ZNF317: variants seen among roughly 807,000 people sequenced by gnomAD.
The protein encoded by ZNF317 is zinc finger protein 317, also known as KRAB-containing zinc finger protein 317.
Under a neutral mutation model 23.4 loss-of-function variants are expected in ZNF317, and 17 were observed. The ratio of observed to expected loss-of-function variants is 0.73; its 90% CI spans 0.50 to 1.09. ZNF317 has a LOEUF of 1.09. Among genes scored for constraint, ZNF317 ranks in the 50% least tolerant of loss-of-function variants. The probability of loss-of-function intolerance (pLI) is 0.00; values close to 1 mark genes in which losing one functional copy is unlikely to be tolerated. For missense variants in ZNF317, 679 were observed against 796.7 expected, an observed-to-expected ratio of 0.85 and a Z score of 1.78; for synonymous variants, 317 against 314.9, an observed-to-expected ratio of 1.01 and a Z score of -0.07.
rs368381616 is a variant in ZNF317, at chr19:9,161,412, C to T, written c.1767C>T (p.Ser589=). 1.9e-5 allele frequency: 31 copies of T among 1,612,420 alleles called. No individual in the cohort carries two copies. The highest frequency in any genetic ancestry group is 2.2e-5 in the South Asian group (2 of 91,014). The part of the protein sequence containing the change: ...THRGEKLFVS[S]VWKRLQ ...GGGGAGAGAAGCTCTTTGTGTCATC[C>T]GTGTGGAAAAGGCTCCAGTGAGCGC... Residue 589 remains serine (S), a synonymous_variant, in exon 7 of 7, where the codon TCC becomes TCT. Coordinates refer to ENST00000247956, the MANE Select transcript of ZNF317 (RefSeq NM_020933.5). This position sits in a 1 kb window ranked among gnomAD's most constrained non-coding sequence, Gnocchi z 4.0.
At chr19:9,142,829 C>T (rs913212590) in intron 1 of ZNF317, among the ~76,000 whole-genome samples, 6 of 151,708 alleles carry the variant, frequency 4.0e-5, no homozygotes, top group Non-Finnish European at 7.4e-5. Context: ...CTTTTGGCTT[C>T]GGTTTGCTAA....
chr19:9,146,297 G>A (rs2050682401), intron 1 of ZNF317, among the ~76,000 whole-genome samples: 1 of 151,906 alleles, frequency 6.6e-6, no homozygotes, highest in South Asian at 2.1e-4. Context: ...TGGTTGAAAG[G>A]AGGGTATATT....
At position 9,153,992 on chromosome 19, in the gene ZNF317, G is replaced by C. The variant is rs201560173; in HGVS notation, c.-92-1933G>C. ...CAAGATGGGATAGACCTGAGCATGTGTCCATGCATAGGAAATTGTCTAGCA... is the reference window on the plus strand; with the variant it reads ...CAAGATGGGATAGACCTGAGCATGTCTCCATGCATAGGAAATTGTCTAGCA... On this transcript the variant is annotated intron_variant, in intron 1 of 6. Transcript: ENST00000247956. Among the ~76,000 whole-genome samples, 5 of 152,162 alleles carry C rather than the reference G, an allele frequency of 3.3e-5. No homozygotes were observed. The East Asian group carries it at 9.6e-4, about 29-fold the overall frequency.
At chr19:9,158,243 T>C (rs1292085821) in intron 5 of ZNF317, among the ~76,000 whole-genome samples, 168 bp downstream of exon 5, 2 of 152,148 alleles carry the variant, frequency 1.3e-5, no homozygotes, top group Non-Finnish European at 2.9e-5. Flanking sequence ...CACTCCTTCA[T>C]CTTTGACTTT....
intron 1 of ZNF317, among the ~76,000 whole-genome samples, chr19:9,140,938 CCTT>C (rs1331102961): frequency 1.3e-5 from 2 of 152,058 alleles, no homozygotes; most frequent in African/African-American, 4.8e-5. Flanking sequence ...GGAGAAATCA[CCTT>C]CTTTCTGCGC....
At chr19:9,152,514 C>T (rs1341341714) in intron 1 of ZNF317, among the ~76,000 whole-genome samples, 2 of 152,216 alleles carry the variant, frequency 1.3e-5, no homozygotes, top group Admixed American at 6.5e-5. Context: ...GCATTAGATT[C>T]TCATAGGGGC....
At chr19:9,142,095 G>A (rs546989677) in intron 1 of ZNF317, among the ~76,000 whole-genome samples, 115 of 152,268 alleles carry the variant, frequency 7.6e-4, no homozygotes, top group African/African-American at 2.6e-3. Context: ...AGAGAGCCAC[G>A]ATGTCCGGCT....
In ZNF317 at chr19:9,157,071, C is replaced by T. The variant is rs181760365; in HGVS notation, c.163-197C>T. 4.2e-3 allele frequency: 2,872 copies of T among 680,226 alleles called. 9 individuals carry two copies. Among genetic ancestry groups the T allele is most frequent in the Non-Finnish European group, 5.6e-3 (2,309 of 411,612 alleles). The allele number at this position is 680,226 out of a possible 1,614,324, so 42.1% of individuals were successfully genotyped here. A position where few individuals can be genotyped will look rare whatever the true frequency, so the allele number is the denominator to read the frequency against. ...CTTGTCAGGGTTGCATCTGAAGTGACGGCACAGGACAAGATGGCCTCAATG... is the reference window on the plus strand; with the variant it reads ...CTTGTCAGGGTTGCATCTGAAGTGATGGCACAGGACAAGATGGCCTCAATG... On this transcript the variant is annotated intron_variant, in intron 3 of 6. Coordinates refer to ENST00000247956, the MANE Select transcript of ZNF317 (RefSeq NM_020933.5).
At chr19:9,145,221 T>C (rs2050672447) in intron 1 of ZNF317, among the ~76,000 whole-genome samples, 1 of 152,194 alleles carries the variant, frequency 6.6e-6, no homozygotes, top group Non-Finnish European at 1.5e-5. Context: ...ATTTTTGTAT[T>C]TTTAGTAAAG....
rs745899297 is a variant in ZNF317, at chr19:9,156,758, G to A, written c.162+10G>A. ...CAGTGTTGGTTCCCAGGTGCACTAA[G>A]ATCTCTGGGTCCCTAGAGCAGGAGA... On this transcript the variant is annotated intron_variant, in intron 3 of 6. Transcript: ENST00000247956. 9.3e-6 allele frequency: 15 copies of A among 1,612,890 alleles called. No individual in the cohort carries two copies. Among genetic ancestry groups the A allele is most frequent in the Non-Finnish European group, 1.3e-5 (15 of 1,179,514 alleles).
intron 1 of ZNF317, among the ~76,000 whole-genome samples, chr19:9,153,021 T>C (rs1319489234): frequency 6.6e-6 from 1 of 152,264 alleles, no homozygotes; most frequent in Non-Finnish European, 1.5e-5. Context: ...GTCACCTTTG[T>C]TGATCTTTTT....
intron 1 of ZNF317, among the ~76,000 whole-genome samples, chr19:9,150,508 G>A (rs1305807333): frequency 6.6e-6 from 1 of 152,110 alleles, no homozygotes; most frequent in Non-Finnish European, 1.5e-5. Flanking sequence ...TCAGAACCTG[G>A]GTGTCAGCAC....
intron 1 of ZNF317, among the ~76,000 whole-genome samples, chr19:9,154,685 G>A (rs2050766790): frequency 6.6e-6 from 1 of 152,120 alleles, no homozygotes; most frequent in South Asian, 2.1e-4. Context: ...AGACATTTTT[G>A]TACGAGTCTT....
At chr19:9,159,232 G>A (rs1052477516) in intron 6 of ZNF317, among the ~76,000 whole-genome samples, 1 of 151,954 alleles carries the variant, frequency 6.6e-6, no homozygotes, top group Non-Finnish European at 1.5e-5. Context: ...TTTTTTGGGG[G>A]GCAGACAGTC....
intron 3 of ZNF317, 164 bp from the exon 4 acceptor site, chr19:9,157,104 A>G: frequency 1.2e-6 from 1 of 811,470 alleles, no homozygotes; most frequent in Non-Finnish European, 1.9e-6. Context: ...ATGGGGAGAG[A>G]GGATGTCTGA....
chr19:9,158,551 C>T (rs987060243), intron 5 of ZNF317, among the ~76,000 whole-genome samples: 3 of 151,694 alleles, frequency 2.0e-5, no homozygotes, highest in African/African-American at 7.3e-5. Context: ...GTTGTCCAGG[C>T]TGGTCTCGAA....
chr19:9,156,469 A>G, intron 2 of ZNF317, 143 bp from the exon 3 acceptor site: 1 of 1,126,868 alleles, frequency 8.9e-7, no homozygotes, highest in Non-Finnish European at 1.3e-6. Context: ...TGATGTGTGC[A>G]AGAGAGGTGG....
chr19:9,156,478 G>T lies in ZNF317; in HGVS notation c.26-134G>T, dbSNP rs528888389. The T allele has an allele frequency of 6.7e-6, 8 of 1,186,804 alleles. No homozygotes were observed. In the East Asian group the frequency reaches 9.4e-5, roughly 14 times the overall value. The allele number at this position is 1,186,804 out of a possible 1,614,324, so 73.5% of individuals were successfully genotyped here. A position where few individuals can be genotyped will look rare whatever the true frequency, so the allele number is the denominator to read the frequency against. On this transcript the variant is annotated intron_variant, in intron 2 of 6. Transcript: ENST00000247956. The stretch of plus-strand genomic sequence containing the variant: ...TGAAACTGATGTGTGCAAGAGAGGT[G>T]GGGGGAGGAAGAGAGAGAGAGGATT...
At chr19:9,142,544 A>AT (rs35609929) in intron 1 of ZNF317, among the ~76,000 whole-genome samples, 17,384 of 133,634 alleles carry the variant, frequency 0.13, 1,157 homozygotes, top group Middle Eastern at 0.18. Context: ...TTAACAAGTG[A>AT]TTTTTTTTTT....
Sources: allele counts gnomAD v4.1 joint callset (sites outside exome capture counted in the v4.1 genomes callset), GRCh38; gene constraint gnomAD v4.1.1; non-coding constraint Gnocchi (gnomAD v3.1); transcripts MANE v1.5; gene names NCBI Gene and HGNC (gene_info 2026-07-23, HGNC 2026-07-21).